The following SSC5D variants were observed in gnomAD, a reference collection of about 807,000 sequenced individuals.
SSC5D encodes soluble scavenger receptor cysteine-rich domain-containing protein SSC5D.
A neutral mutation model predicts 104.6 loss-of-function variants in SSC5D; 106 were observed. The observed-to-expected ratio is 1.01, with a 90% CI of 0.87 to 1.19. The LOEUF is 1.19. SSC5D is among the 50% of genes most tolerant of loss of function. The pLI is 0.00. For missense variants in SSC5D, 1,993 were observed against 2,153.8 expected (o/e 0.93, Z 1.48); for synonymous variants, 860 against 883.5 (o/e 0.97, Z 0.47).
At chr19:55,501,570 C>T (rs1393803431) in intron 12 of SSC5D, among the ~76,000 whole-genome samples, 2 of 152,226 alleles carry the variant, frequency 1.3e-5, no homozygotes, top group Non-Finnish European at 2.9e-5. Context: ...CTCACCCATT[C>T]TTGAAGCTCA....
chr19:55,499,234 C>A (rs1260827590), intron 9 of SSC5D, among the ~76,000 whole-genome samples: 7 of 152,230 alleles, frequency 4.6e-5, no homozygotes, highest in Non-Finnish European at 8.8e-5. Flanking sequence ...AAAGGCGAAA[C>A]CTTTCTTTGG....
intron 13 of SSC5D, among the ~76,000 whole-genome samples, chr19:55,515,704 C>T (rs7255286): frequency 0.24 from 35,673 of 150,202 alleles, 4,966 homozygotes; most frequent in African/African-American, 0.38. Context: ...TGCACTCTAA[C>T]CTGGGCGACA....
Position 55,517,603 on chromosome 19 carries a change from C to G in SSC5D, c.3327C>G (p.Thr1109=), listed in dbSNP as rs1415869168. The change falls in exon 14 of 14, where the codon ACC becomes ACG. Residue 1109 remains threonine (T), a synonymous_variant. Coordinates refer to ENST00000389623, the MANE Select transcript of SSC5D (RefSeq NM_001144950.2). ...TSDPSTPSEV[T]SLSPTSEQVP... ...ACCCTTCTACACCGTCGGAGGTGAC[C>G]AGCCTTTCCCCTACCTCAGAGCAGG... is the stretch of plus-strand genomic sequence containing the variant. 1.3e-6 allele frequency: 2 copies of G among 1,551,598 alleles called. No homozygotes were observed. Among genetic ancestry groups the G allele is most frequent in the Non-Finnish European group, 1.7e-6 (2 of 1,147,054 alleles).
At chr19:55,501,966 G>C (rs1987516086) in intron 12 of SSC5D, among the ~76,000 whole-genome samples, 1 of 151,920 alleles carries the variant, frequency 6.6e-6, no homozygotes, top group African/African-American at 2.4e-5. Context: ...GCAGTGGTGT[G>C]ATCTCAGCTC....
chr19:55,490,630 G>A, intron 5 of SSC5D, 142 bp from the exon 6 acceptor site: 1 of 986,006 alleles, frequency 1.0e-6, no homozygotes, highest in South Asian at 1.7e-5. Flanking sequence ...CTCAGGTCGT[G>A]GACTCACCTC....
intron 12 of SSC5D, 106 bp downstream of exon 12, chr19:55,501,307 G>T (rs1363637058): frequency 7.5e-7 from 1 of 1,334,476 alleles, no homozygotes; most frequent in African/African-American, 1.5e-5. Context: ...CTGAGGCCTC[G>T]GGGCACCCTG....
rs987953336 is a variant in SSC5D, at chr19:55,503,787, GGA to G, written c.2785+2590_2785+2591del. On this transcript the variant is annotated intron_variant, in intron 12 of 13. Transcript: ENST00000389623. The surrounding 1 kb of genome is among the most constrained non-coding windows in gnomAD (Gnocchi z 4.0). The stretch of plus-strand genomic sequence containing the variant: ...GAGGCCCAAGCCTCCCGCTCCCGCA[GGA>G]GAGTCTCGCCGCAAGCGTCCTTTCC... 9.9e-5 allele frequency among the ~76,000 whole-genome samples: 15 copies of G among 151,924 alleles called. 1 individual carries two copies. The highest frequency in any genetic ancestry group is 3.1e-4 in the African/African-American group (13 of 41,434).
intron 12 of SSC5D, among the ~76,000 whole-genome samples, chr19:55,501,964 G>T (rs1359799926): frequency 1.3e-5 from 2 of 151,992 alleles, no homozygotes; most frequent in Non-Finnish European, 2.9e-5. Context: ...GTGCAGTGGT[G>T]TGATCTCAGC....
intron 12 of SSC5D, among the ~76,000 whole-genome samples, chr19:55,507,025 C>T (rs1043631115): frequency 4.0e-5 from 6 of 151,640 alleles, no homozygotes; most frequent in African/African-American, 1.5e-4. Context: ...AAAAATTAGC[C>T]TGGTGTGGCG....
In SSC5D at chr19:55,500,158, G is replaced by A; in HGVS notation, c.2048G>A (p.Arg683Lys). 1 of 1,551,256 alleles carries A rather than the reference G, an allele frequency of 6.4e-7. No individual in the cohort carries two copies. The highest frequency in any genetic ancestry group is 1.2e-5 in the South Asian group (1 of 84,018). Residue 683 changes from arginine to lysine, a missense_variant, in exon 10 of 14, where the codon AGG (arginine) becomes AAG (lysine). Coordinates refer to ENST00000389623, the MANE Select transcript of SSC5D (RefSeq NM_001144950.2). The surrounding 1 kb of genome is among the most constrained non-coding windows in gnomAD (Gnocchi z 4.6). ...AGACCTACCTCTGAGTTTACCAGAA[G>A]GCCGACCACGGAGGCCCCCCAGAGA... ...SRRPTSEFTRRPTTEAPQRWT... is the reference protein window; with the variant it reads ...SRRPTSEFTRKPTTEAPQRWT...
intron 8 of SSC5D, among the ~76,000 whole-genome samples, chr19:55,495,780 T>C (rs1385307430): frequency 6.6e-6 from 1 of 151,902 alleles, no homozygotes; most frequent in African/African-American, 2.4e-5. Flanking sequence ...TCTCACTTGG[T>C]TGCCCAGGCT....
At chr19:55,493,225 G>A in intron 6 of SSC5D, among the ~76,000 whole-genome samples, 1 of 152,148 alleles carries the variant, frequency 6.6e-6, no homozygotes, top group Non-Finnish European at 1.5e-5. Context: ...GCATGTGGTG[G>A]GTAGAGGATG....
At position 55,490,924 on chromosome 19, in the gene SSC5D, GC is replaced by G; in HGVS notation, c.744del (p.Gly249AlafsTer187). ...RELGCGGALA[A>X]PGGARFGPGA... ...ACTGGGCTGTGGGGGGGCGCTGGCT[GC>G]CCCCGGCGGTGCCAGATTCGGGCCT... On this transcript the variant is annotated frameshift_variant, in exon 6 of 14. Transcript: ENST00000389623. LOFTEE classifies it high-confidence loss of function. 1.9e-6 allele frequency: 3 copies of G among 1,543,990 alleles called. No homozygotes were observed. The highest frequency in any genetic ancestry group is 2.4e-5 in the South Asian group (2 of 83,354).
chr19:55,491,399 G>C (rs1987140124), intron 6 of SSC5D: 2 of 324,250 alleles, frequency 6.2e-6, no homozygotes, highest in South Asian at 1.0e-4. Context: ...CCTCAGGCTT[G>C]AGCCAAGTCC....
chr19:55,488,632 C>T lies in SSC5D; in HGVS notation c.25+18C>T, dbSNP rs1856468139. Reference sequence around the variant, plus strand: ...CCTCCTTGGTGAGTGATCCATTCTCCTTGGGGACTCGGGGGGCCTAGGCCC... The same window carrying T: ...CCTCCTTGGTGAGTGATCCATTCTCTTTGGGGACTCGGGGGGCCTAGGCCC... On this transcript the variant is annotated intron_variant, in intron 1 of 13. Transcript: ENST00000389623. 2 of 1,549,694 alleles carry T rather than the reference C, an allele frequency of 1.3e-6. No homozygotes were observed. The highest frequency in any genetic ancestry group is 1.2e-5 in the South Asian group (1 of 84,016).
At position 55,518,398 on chromosome 19, in the gene SSC5D, C is replaced by T. The variant is rs370242939; in HGVS notation, c.4122C>T (p.His1374=). The T allele has an allele frequency of 4.8e-4, 751 of 1,551,354 alleles. 2 individuals are homozygous for T. The highest frequency in any genetic ancestry group is 3.8e-3 in the Middle Eastern group (23 of 5,992). Residue 1374 remains histidine, a synonymous_variant, in exon 14 of 14, where the codon CAC becomes CAT. Coordinates refer to ENST00000389623, the MANE Select transcript of SSC5D (RefSeq NM_001144950.2). The stretch of plus-strand genomic sequence containing the variant: ...TGACCTTCACAGCACCTGCCCCTCA[C>T]ACCTCCACATCCCAGATACCCACCT... The part of the protein sequence containing the change: ...PQLTFTAPAP[H]TSTSQIPTLE...
chr19:55,489,851 C>T (rs1987081367), intron 3 of SSC5D, 31 bp from the exon 4 acceptor site: 3 of 1,538,384 alleles, frequency 2.0e-6, no homozygotes, highest in South Asian at 1.2e-5. Flanking sequence ...CTCCTCTCCT[C>T]ATAGCTTCTG....
chr19:55,490,112 G>A (rs1987093914), intron 4 of SSC5D, 117 bp downstream of exon 4: 1 of 655,170 alleles, frequency 1.5e-6, no homozygotes, highest in African/African-American at 2.0e-5. Context: ...CCCCACCGAG[G>A]GGAGAGGGAC....
At position 55,491,046 on chromosome 19, in the gene SSC5D, T is replaced by C. The variant is rs1369473071; in HGVS notation, c.861T>C (p.Cys287=). Residue 287 remains cysteine, a synonymous_variant, in exon 6 of 14, where the codon TGT becomes TGC. Transcript: ENST00000389623. ...CPRSPWGRSN[C]DHSEDAGLVC... ...GAAGCCCCTGGGGCCGGAGCAACTG[T>C]GACCACAGCGAGGATGCGGGGCTGG... 20 of 1,550,176 alleles carry C rather than the reference T, an allele frequency of 1.3e-5. No homozygotes were observed. The highest frequency in any genetic ancestry group is 1.7e-5 in the Non-Finnish European group (19 of 1,146,736).
Sources: allele counts gnomAD v4.1 joint callset (sites outside exome capture counted in the v4.1 genomes callset), GRCh38; gene constraint gnomAD v4.1.1; non-coding constraint Gnocchi (gnomAD v3.1); transcripts MANE v1.5; gene names NCBI Gene and HGNC (gene_info 2026-07-23, HGNC 2026-07-21).